The following AAK1 variants were observed in gnomAD, a reference collection of about 807,000 sequenced individuals.
AAK1 encodes the protein AP2-associated protein kinase 1.
A neutral mutation model predicts 116.0 loss-of-function variants in AAK1; 37 were observed. That is an observed-to-expected ratio of 0.32 (90% confidence interval 0.25 to 0.42). The LOEUF is 0.42. AAK1 is among the 10% of genes least tolerant of loss of function. The pLI is 1.00. For missense variants in AAK1, 919 were observed against 1,170.6 expected, an observed-to-expected ratio of 0.79 and a Z score of 3.14; for synonymous variants, 458 against 439.9, an observed-to-expected ratio of 1.04 and a Z score of -0.51.
rs1674467618 is a variant in AAK1, at chr2:69,465,836, C to T, written c.*10033G>A. ...GTTGCACAAAACCAGCTGTGGAATA[C>T]TGAGCTTGGACAGAGGTGTACACAG... On this transcript the variant is annotated 3_prime_UTR_variant, in exon 22 of 22. Transcript: ENST00000409085. The T allele has an allele frequency of 7.7e-7, 1 of 1,290,774 alleles. No individual in the cohort carries two copies. The highest frequency in any genetic ancestry group is 1.5e-5 in the African/African-American group (1 of 65,822). The allele number at this position is 1,290,774 out of a possible 1,614,324, so 80.0% of individuals were successfully genotyped here. A position where few individuals can be genotyped will look rare whatever the true frequency, so the allele number is the denominator to read the frequency against.
intron 2 of AAK1, among the ~76,000 whole-genome samples, chr2:69,609,271 G>A (rs1409216076): frequency 6.6e-6 from 1 of 152,190 alleles, no homozygotes; most frequent in Non-Finnish European, 1.5e-5. Context: ...GCTGAGGTGG[G>A]AGAATCACCT....
chr2:69,478,457 T>A (rs1247539100), intron 20 of AAK1: 1 of 152,426 alleles, frequency 6.6e-6, no homozygotes, highest in Non-Finnish European at 1.5e-5. Flanking sequence ...TGTCTGCTAT[T>A]TTTTTTGTTT....
rs765088424 is a variant in AAK1, at chr2:69,476,870, T to C, written c.2791+10A>G. On this transcript the variant is annotated intron_variant, in intron 21 of 21. Transcript: ENST00000409085. ...CCAAGCTCTTCTCTTTTCCCCATCC[T>C]TTTTCTTACCTTGTGGGTTTTTGGT... is the stretch of plus-strand genomic sequence containing the variant. The C allele has an allele frequency of 2.5e-6, 4 of 1,603,152 alleles. No individual in the cohort carries two copies. The highest frequency in any genetic ancestry group is 3.4e-6 in the Non-Finnish European group (4 of 1,171,452).
At chr2:69,553,312 T>G (rs540253199) in intron 3 of AAK1, among the ~76,000 whole-genome samples, 1 of 152,194 alleles carries the variant, frequency 6.6e-6, no homozygotes, top group Admixed American at 6.5e-5. Context: ...AGAGCAACAC[T>G]GAAAGCTAAA....
At chr2:69,565,431 A>C (rs1448687385) in intron 2 of AAK1, among the ~76,000 whole-genome samples, 1 of 152,248 alleles carries the variant, frequency 6.6e-6, no homozygotes, top group Non-Finnish European at 1.5e-5. Flanking sequence ...TGAAGTCAGC[A>C]GGTCATGTAC....
At chr2:69,543,741 T>C (rs1258851703) in intron 4 of AAK1, among the ~76,000 whole-genome samples, 2 of 152,142 alleles carry the variant, frequency 1.3e-5, no homozygotes, top group Non-Finnish European at 2.9e-5. Flanking sequence ...AAAATGTTAA[T>C]GGAACTAAGG....
At chr2:69,633,266 AAG>A (rs1675289296) in intron 2 of AAK1, among the ~76,000 whole-genome samples, 1 of 150,362 alleles carries the variant, frequency 6.7e-6, no homozygotes, top group Non-Finnish European at 1.5e-5. Context: ...AACAGGCAAA[AAG>A]AGGTCCCAGA....
chr2:69,624,546 T>C (rs1490633881), intron 2 of AAK1, among the ~76,000 whole-genome samples: 2 of 152,266 alleles, frequency 1.3e-5, no homozygotes, highest in Non-Finnish European at 2.9e-5. Flanking sequence ...TGGGTAACAC[T>C]TTCTATTTTT....
At chr2:69,519,772 T>C (rs894897122) in intron 11 of AAK1, among the ~76,000 whole-genome samples, 9 of 152,160 alleles carry the variant, frequency 5.9e-5, no homozygotes, top group African/African-American at 1.9e-4. Context: ...AGAAACAGAA[T>C]GCCAAAACAT....
rs775094347 is a variant in AAK1 at position 69,525,037 on chromosome 2, C to T, written c.1051G>A (p.Ala351Thr). The T allele has an allele frequency of 7.1e-5, 115 of 1,613,738 alleles. No homozygotes were observed. The highest frequency in any genetic ancestry group is 9.5e-5 in the Non-Finnish European group (112 of 1,179,778). ...GTTCATGAAGGCATTTCTTACCTGG[C>T]CTTTGGCTGGGTCTTTTTTGCAGCT... The part of the protein sequence containing the change: ...EAAAKKTQPK[A>T]RLTDPIPTTE... Residue 351 changes from alanine to threonine, a missense_variant, in exon 10 of 22, where the codon GCC (alanine) becomes ACC (threonine). Around this residue, in one of 4 missense-constraint regions of AAK1, gnomAD observed 317 missense variants for 490.4 expected, o/e 0.65. Coordinates refer to ENST00000409085, the MANE Select transcript of AAK1 (RefSeq NM_014911.5).
intron 2 of AAK1, among the ~76,000 whole-genome samples, chr2:69,562,993 G>A (rs894893416): frequency 2.6e-5 from 4 of 152,182 alleles, no homozygotes; most frequent in Non-Finnish European, 4.4e-5. Flanking sequence ...GGGCCCAGGA[G>A]GTTGAGGCTA....
chr2:69,479,678 C>A (rs1675008241), intron 19 of AAK1, among the ~76,000 whole-genome samples: 1 of 152,150 alleles, frequency 6.6e-6, no homozygotes, highest in Admixed American at 6.5e-5. Flanking sequence ...ACCCACAATG[C>A]CTCTAGCTAG....
intron 2 of AAK1, chr2:69,598,280 A>G (rs1673395528): frequency 2.6e-6 from 1 of 379,770 alleles, no homozygotes; most frequent in Non-Finnish European, 4.9e-6. Context: ...AGTAACAATT[A>G]TTCCTACAGA....
chr2:69,493,640 G>C (rs1459402519), intron 17 of AAK1, among the ~76,000 whole-genome samples: 4 of 152,212 alleles, frequency 2.6e-5, no homozygotes, highest in Non-Finnish European at 1.5e-5. Flanking sequence ...GAATAAGACA[G>C]ATGAGGCCCC....
intron 5 of AAK1, 108 bp downstream of exon 5, chr2:69,542,415 G>A: frequency 2.2e-6 from 3 of 1,339,654 alleles, no homozygotes; most frequent in Non-Finnish European, 3.1e-6. Context: ...CATAAAAACA[G>A]GGACCATATC....
At chr2:69,550,407 C>T (rs923276185) in intron 3 of AAK1, among the ~76,000 whole-genome samples, 4 of 152,034 alleles carry the variant, frequency 2.6e-5, no homozygotes, top group East Asian at 3.9e-4. Flanking sequence ...CAGCCTCAAG[C>T]GATTCTCCTG....
Position 69,462,266 on chromosome 2 carries a change from C to A in AAK1, c.*13603G>T. 6.7e-6 allele frequency: 1 copy of A among 149,594 alleles called. No individual in the cohort carries two copies. Among genetic ancestry groups the A allele is most frequent in the Non-Finnish European group, 1.5e-5 (1 of 67,584 alleles). The allele number at this position is 149,594 out of a possible 1,614,324, so 9.3% of individuals were successfully genotyped here. A position where few individuals can be genotyped will look rare whatever the true frequency, so the allele number is the denominator to read the frequency against. ...ATAGCATTAGGAGATATACCTAATG[C>A]TAAATGACGAGTTAGTGGGTGCAGC... On this transcript the variant is annotated 3_prime_UTR_variant, in exon 22 of 22. Transcript: ENST00000409085.
At chr2:69,636,697 TTC>T (rs1441468826) in intron 2 of AAK1, among the ~76,000 whole-genome samples, 3 of 149,390 alleles carry the variant, frequency 2.0e-5, no homozygotes, top group Middle Eastern at 3.4e-3. Context: ...AATTTATTTT[TTC>T]TTTTTCTTTT....
At chr2:69,504,538 C>T (rs767974952) in intron 16 of AAK1, among the ~76,000 whole-genome samples, 2 of 152,142 alleles carry the variant, frequency 1.3e-5, no homozygotes, top group East Asian at 3.9e-4. Context: ...GAGGCCAAGG[C>T]AGGCAGATCA....
Sources: allele counts gnomAD v4.1 joint callset (sites outside exome capture counted in the v4.1 genomes callset), GRCh38; gene constraint gnomAD v4.1.1; regional missense constraint gnomAD v4.1.1; transcripts MANE v1.5; gene names NCBI Gene and HGNC (gene_info 2026-07-23, HGNC 2026-07-21).